Variants in FAM118A observed in about 807,000 individuals in gnomAD.
FAM118A encodes protein FAM118A.
A neutral mutation model predicts 38.2 loss-of-function variants in FAM118A; 25 were observed. The observed-to-expected ratio is 0.65, with a 90% confidence interval of 0.48 to 0.91. The LOEUF (loss-of-function observed/expected upper bound fraction) is 0.91, where lower values mean the gene tolerates loss of function less well. Among genes scored for constraint, FAM118A ranks in the 40% least tolerant of loss-of-function variants. The pLI is 0.00. For missense variants in FAM118A, 425 were observed against 463.3 expected (o/e 0.92, Z 0.76); for synonymous variants, 178 against 184.1 (o/e 0.97, Z 0.27).
chr22:45,336,135 A>G (rs1197638965), intron 7 of FAM118A, among the ~76,000 whole-genome samples, 193 bp from the exon 8 acceptor site: 1 of 152,150 alleles, frequency 6.6e-6, no homozygotes, highest in African/African-American at 2.4e-5. Flanking sequence ...TCTTCATTAC[A>G]CTTGCTTTCT....
chr22:45,339,329 G>A (rs937921088), intron 8 of FAM118A, among the ~76,000 whole-genome samples: 1 of 151,498 alleles, frequency 6.6e-6, no homozygotes, highest in African/African-American at 2.4e-5. Context: ...AACCCAGGAG[G>A]CGGAGGTTGC....
rs774168543 is a variant in FAM118A at position 45,335,309 on chromosome 22, TGGTGTCTC to T, written c.938-38_938-31del. 1.9e-6 allele frequency: 3 copies of T among 1,613,266 alleles called. No homozygotes were observed. In the South Asian group the frequency reaches 3.3e-5, roughly 18 times the overall value. On this transcript the variant is annotated intron_variant, in intron 6 of 8. Transcript: ENST00000441876. ...AGGGTGGCCGAGGAGGACGAGCTCTTGGTGTCTCGGCTCCACTGACTGCTTTTCTTTCT... is the reference window on the plus strand; with the variant it reads ...AGGGTGGCCGAGGAGGACGAGCTCTTGGCTCCACTGACTGCTTTTCTTTCT...
At chr22:45,329,246 G>C (rs1601950592) in intron 4 of FAM118A, 1 of 152,218 alleles carries the variant, frequency 6.6e-6, no homozygotes, top group South Asian at 2.1e-4. Context: ...TCCTAGAAGA[G>C]TTTTATGGTC....
At position 45,336,349 on chromosome 22, in the gene FAM118A, C is replaced by CATTACCTA; in HGVS notation, c.993_994insTTACCTAA (p.Lys332LeufsTer7). ...TTAGGTAATGCATGCCAGGACTGTG[C>CATTACCTA]AAAGAGGAAGTTAGAAGAGAATGGA... On this transcript the variant is annotated frameshift_variant, in exon 8 of 9. Coordinates refer to ENST00000441876, the MANE Select transcript of FAM118A (RefSeq NM_017911.4). LOFTEE classifies it high-confidence loss of function. 1 of 1,613,650 alleles carries CATTACCTA rather than the reference C, an allele frequency of 6.2e-7. No individual in the cohort carries two copies. The highest frequency in any genetic ancestry group is 8.5e-7 in the Non-Finnish European group (1 of 1,179,702).
chr22:45,314,926 A>G (rs1601877832), intron 1 of FAM118A, among the ~76,000 whole-genome samples: 1 of 152,196 alleles, frequency 6.6e-6, no homozygotes, highest in Non-Finnish European at 1.5e-5. Flanking sequence ...ATAATACACA[A>G]CTTGGGGCTG....
In FAM118A at chr22:45,341,955, A is replaced by G. The variant is rs1383569550; in HGVS notation, c.*1550A>G. 1 of 152,062 alleles carries G rather than the reference A, an allele frequency of 6.6e-6. No homozygotes were observed. The highest frequency in any genetic ancestry group is 3.2e-3 in the Middle Eastern group (1 of 316). 9.4% of individuals were successfully genotyped at this position (152,062 alleles called of 1,614,324 possible). On this transcript the variant is annotated 3_prime_UTR_variant, in exon 9 of 9. Coordinates refer to ENST00000441876, the MANE Select transcript of FAM118A (RefSeq NM_017911.4). ...AGCCATAAATAAAATTTTAACTTCA[A>G]CCCTGTGTGCTCAGTGTTTCTTTAG...
chr22:45,332,345 C>A, intron 5 of FAM118A, 80 bp from the exon 6 acceptor site: 2 of 1,446,180 alleles, frequency 1.4e-6, no homozygotes, highest in Non-Finnish European at 1.9e-6. Context: ...GATGTAAAAG[C>A]ACACACATGT....
In FAM118A at chr22:45,322,447, C is replaced by T. The variant is rs1357287727; in HGVS notation, c.47+21C>T. On this transcript the variant is annotated intron_variant, in intron 2 of 8. Coordinates refer to ENST00000441876, the MANE Select transcript of FAM118A (RefSeq NM_017911.4). ...TCCAGGTAATTAAAGGCAACTATAC[C>T]TTCAAGCAGCTTCATTGACTTCATC... 3 of 1,592,452 alleles carry T rather than the reference C, an allele frequency of 1.9e-6. No individual in the cohort carries two copies. The East Asian group carries it at 6.7e-5, about 36-fold the overall frequency.
At chr22:45,330,486 C>T (rs2085628819) in intron 4 of FAM118A, 117 bp from the exon 5 acceptor site, 2 of 1,165,440 alleles carry the variant, frequency 1.7e-6, no homozygotes, top group East Asian at 2.9e-5. Context: ...TGAAGCATCT[C>T]TCGATGATTC....
intron 1 of FAM118A, among the ~76,000 whole-genome samples, chr22:45,312,780 G>A (rs1192721673): frequency 3.9e-5 from 6 of 152,188 alleles, no homozygotes; most frequent in South Asian, 4.1e-4. Context: ...AGGGTGAGGC[G>A]TGGGGGATGC....
chr22:45,330,809 T>C, intron 5 of FAM118A, 78 bp downstream of exon 5: 1 of 1,406,904 alleles, frequency 7.1e-7, no homozygotes, highest in South Asian at 1.8e-5. Flanking sequence ...TGCAGTTGAG[T>C]GGCTTCCCAG....
At chr22:45,328,749 G>T in intron 4 of FAM118A, 2 of 441,922 alleles carry the variant, frequency 4.5e-6, no homozygotes, top group Non-Finnish European at 8.3e-6. Flanking sequence ...CTGTACTCCA[G>T]CCTGGGCAAG....
chr22:45,325,854 C>A (rs1233594000), intron 3 of FAM118A, among the ~76,000 whole-genome samples: 1 of 151,980 alleles, frequency 6.6e-6, no homozygotes, highest in Non-Finnish European at 1.5e-5. Flanking sequence ...TGCAGGGGAG[C>A]CCCCAGGAAG....
intron 1 of FAM118A, among the ~76,000 whole-genome samples, 155 bp downstream of exon 1, chr22:45,310,338 T>G (rs919045450): frequency 7.2e-6 from 1 of 139,338 alleles, no homozygotes; most frequent in African/African-American, 2.7e-5. Context: ...GGATCCGCCC[T>G]GCCCCTCCAG....
At chr22:45,339,304 C>G (rs1285795533) in intron 8 of FAM118A, among the ~76,000 whole-genome samples, 1 of 152,100 alleles carries the variant, frequency 6.6e-6, no homozygotes, top group African/African-American at 2.4e-5. Context: ...GAGGCTGAGG[C>G]AGGAGAATTG....
intron 1 of FAM118A, chr22:45,322,133 T>C: frequency 3.5e-6 from 5 of 1,432,650 alleles, no homozygotes; most frequent in Non-Finnish European, 4.7e-6. Flanking sequence ...CCTTCTGTGC[T>C]GTCCCGTGTA....
At chr22:45,321,583 A>T (rs1296130768) in intron 1 of FAM118A, 2 of 151,244 alleles carry the variant, frequency 1.3e-5, no homozygotes, top group South Asian at 2.1e-4. Context: ...TGCCTGGCAA[A>T]TTTTTTTATT....
chr22:45,316,731 C>T (rs928961037), intron 1 of FAM118A, among the ~76,000 whole-genome samples: 3 of 152,190 alleles, frequency 2.0e-5, no homozygotes, highest in Non-Finnish European at 4.4e-5. Context: ...GCGCTTTTGT[C>T]ACAGTGGCAG....
intron 3 of FAM118A, among the ~76,000 whole-genome samples, chr22:45,326,776 G>C (rs1171070591): frequency 1.5e-5 from 2 of 132,958 alleles, no homozygotes; most frequent in Non-Finnish European, 3.1e-5. Context: ...AGTGAGCCAA[G>C]ATCACGCCAC....
Sources: gnomAD v4.1 joint callset for allele counts (sites outside exome capture counted in the v4.1 genomes callset) on GRCh38, gnomAD v4.1.1 for gene constraint, MANE v1.5 for transcripts, NCBI Gene and HGNC (gene_info 2026-07-23, HGNC 2026-07-21) for gene names.